REXO5: variants seen among roughly 807,000 people sequenced by gnomAD.
REXO5 encodes exonuclease NEF-sp.
In REXO5, 48 loss-of-function variants were observed where a neutral mutation model predicts 88.5. The ratio of observed to expected loss-of-function variants is 0.54; its 90% CI spans 0.43 to 0.69. The LOEUF (loss-of-function observed/expected upper bound fraction) is 0.69. Among genes scored for constraint, REXO5 ranks in the 30% least tolerant of loss-of-function variants. The pLI, the probability that REXO5 is intolerant of heterozygous loss-of-function variation, is 0.00. For missense variants in REXO5, 749 were observed against 912.2 expected, an observed-to-expected ratio of 0.82 and a Z score of 2.30; for synonymous variants, 311 against 336.5, an observed-to-expected ratio of 0.92 and a Z score of 0.83.
At chr16:20,841,297 A>G (rs1337163014) in intron 15 of REXO5, among the ~76,000 whole-genome samples, 8 of 152,230 alleles carry the variant, frequency 5.3e-5, no homozygotes, top group Non-Finnish European at 8.8e-5. Context: ...ATGTGAAGCA[A>G]TAACATCATA....
At chr16:20,829,475 A>G (rs1351886486) in intron 11 of REXO5, among the ~76,000 whole-genome samples, 3 of 152,190 alleles carry the variant, frequency 2.0e-5, no homozygotes, top group Non-Finnish European at 4.4e-5. Context: ...AACCTATTAG[A>G]TTGTCCCATT....
intron 13 of REXO5, among the ~76,000 whole-genome samples, chr16:20,838,944 C>A (rs2081481716): frequency 6.6e-6 from 1 of 152,152 alleles, no homozygotes; most frequent in African/African-American, 2.4e-5. Context: ...ACTGGAAACC[C>A]TTCTTGGTTT....
chr16:20,835,270 G>GA (rs1458989128), intron 13 of REXO5, among the ~76,000 whole-genome samples: 17 of 152,184 alleles, frequency 1.1e-4, no homozygotes, highest in African/African-American at 3.6e-4. Flanking sequence ...TTACAGGGGT[G>GA]AGCCACTATG....
At chr16:20,832,980 T>G (rs201067067) in intron 12 of REXO5, 23 bp from the exon 13 acceptor site, 1 of 1,603,960 alleles carries the variant, frequency 6.2e-7, no homozygotes, top group African/African-American at 1.3e-5. Context: ...TGTTCTTACC[T>G]TAACTCTTCT....
chr16:20,840,038 T>A, intron 14 of REXO5, 179 bp downstream of exon 14: 4 of 561,896 alleles, frequency 7.1e-6, no homozygotes, highest in Non-Finnish European at 9.3e-6. Flanking sequence ...GCATACTGTT[T>A]TGCAACTTTA....
intron 6 of REXO5, among the ~76,000 whole-genome samples, chr16:20,822,601 C>G (rs1214056281): frequency 1.3e-5 from 2 of 152,182 alleles, no homozygotes; most frequent in Non-Finnish European, 2.9e-5. Flanking sequence ...CTTTGACAAC[C>G]GTTAATCTAG....
At chr16:20,831,509 A>C (rs1265045965) in intron 11 of REXO5, among the ~76,000 whole-genome samples, 1 of 152,206 alleles carries the variant, frequency 6.6e-6, no homozygotes, top group East Asian at 1.9e-4. Flanking sequence ...CAAATCTATT[A>C]CTAATAGGTA....
chr16:20,847,985 G>T (rs1274894499), intron 19 of REXO5, among the ~76,000 whole-genome samples: 1 of 152,208 alleles, frequency 6.6e-6, no homozygotes, highest in African/African-American at 2.4e-5. Context: ...CTTAAGTTGT[G>T]ACTGAGACAA....
chr16:20,816,320 A>C, intron 5 of REXO5, 108 bp downstream of exon 5: 1 of 893,238 alleles, frequency 1.1e-6, no homozygotes, highest in Non-Finnish European at 1.6e-6. Context: ...TTAAGCACAA[A>C]AACAATTTTT....
At chr16:20,840,576 C>T in intron 15 of REXO5, 108 bp downstream of exon 15, 1 of 977,884 alleles carries the variant, frequency 1.0e-6, no homozygotes, top group Non-Finnish European at 1.5e-6. Context: ...TTGATTGCTA[C>T]CAACTGGAGT....
intron 6 of REXO5, among the ~76,000 whole-genome samples, 169 bp from the exon 7 acceptor site, chr16:20,824,270 A>G (rs2081228568): frequency 6.6e-6 from 1 of 152,146 alleles, no homozygotes; most frequent in Non-Finnish European, 1.5e-5. Context: ...AGATGGAGAA[A>G]AACTTGAGGA....
At chr16:20,832,407 A>T in intron 12 of REXO5, 148 bp downstream of exon 12, 1 of 505,402 alleles carries the variant, frequency 2.0e-6, no homozygotes. Context: ...AAACCACGGA[A>T]AAAATACCAC....
At chr16:20,825,018 A>C (rs1047855029) in intron 7 of REXO5, among the ~76,000 whole-genome samples, 3 of 152,176 alleles carry the variant, frequency 2.0e-5, no homozygotes, top group African/African-American at 7.2e-5. Flanking sequence ...AAAAAAAAAA[A>C]ATCACGTTTT....
At chr16:20,832,304 C>G (rs748915071) in intron 12 of REXO5, 45 bp downstream of exon 12, 7 of 1,253,286 alleles carry the variant, frequency 5.6e-6, no homozygotes, top group Non-Finnish European at 8.0e-6. Flanking sequence ...AATGGAGTAT[C>G]TAGTTTCTTA....
intron 2 of REXO5, among the ~76,000 whole-genome samples, chr16:20,812,817 C>T (rs894127895): frequency 6.6e-6 from 1 of 152,198 alleles, no homozygotes; most frequent in Non-Finnish European, 1.5e-5. Context: ...TCTCTAACCC[C>T]TAAGGCAGTT....
At chr16:20,832,658 A>C (rs1229769151) in intron 12 of REXO5, among the ~76,000 whole-genome samples, 1 of 152,188 alleles carries the variant, frequency 6.6e-6, no homozygotes, top group Non-Finnish European at 1.5e-5. Flanking sequence ...CTTTGTCTCC[A>C]GACTATAGCA....
At chr16:20,829,072 A>G (rs1190399551) in intron 11 of REXO5, among the ~76,000 whole-genome samples, 1 of 152,172 alleles carries the variant, frequency 6.6e-6, no homozygotes, top group Admixed American at 6.5e-5. Context: ...GGTTAAGTAT[A>G]TAGTCCCTGC....
At chr16:20,807,802 G>A (rs974981860) in intron 2 of REXO5, among the ~76,000 whole-genome samples, 1 of 150,444 alleles carries the variant, frequency 6.6e-6, no homozygotes, top group Non-Finnish European at 1.5e-5. Flanking sequence ...AATGTTCATC[G>A]ATATCCTGGG....
chr16:20,822,702 A>G (rs2081203395), intron 6 of REXO5, among the ~76,000 whole-genome samples: 1 of 152,192 alleles, frequency 6.6e-6, no homozygotes, highest in South Asian at 2.1e-4. Context: ...AACTTAGCAT[A>G]ATGTTCTCAA....
Sources: gnomAD v4.1 joint callset for allele counts (sites outside exome capture counted in the v4.1 genomes callset) on GRCh38, gnomAD v4.1.1 for gene constraint, MANE v1.5 for transcripts, NCBI Gene and HGNC (gene_info 2026-07-23, HGNC 2026-07-21) for gene names.